PSMD1: variants seen among roughly 807,000 people sequenced by gnomAD.
PSMD1 encodes the protein proteasome 26S subunit, non-ATPase 1.
PSMD1 carries 18 observed loss-of-function variants against 119.0 expected under a neutral mutation model. The ratio of observed to expected loss-of-function variants is 0.15; its 90% CI spans 0.10 to 0.22. The LOEUF is 0.22. Among genes scored for constraint, PSMD1 ranks in the 10% least tolerant of loss-of-function variants. The probability of loss-of-function intolerance (pLI) is 1.00; values close to 1 mark genes in which losing one functional copy is unlikely to be tolerated. For missense variants in PSMD1, 702 were observed against 1,158.5 expected, an observed-to-expected ratio of 0.61 and a Z score of 5.72; for synonymous variants, 374 against 396.6, an observed-to-expected ratio of 0.94 and a Z score of 0.68.
At chr2:231,084,126 A>G (rs1418052517) in intron 14 of PSMD1, among the ~76,000 whole-genome samples, 1 of 152,086 alleles carries the variant, frequency 6.6e-6, no homozygotes, top group African/African-American at 2.4e-5. Flanking sequence ...AGGCAGGTGG[A>G]TCACTTGAGG....
chr2:231,126,333 G>C (rs1271864731), intron 16 of PSMD1, among the ~76,000 whole-genome samples: 1 of 152,028 alleles, frequency 6.6e-6, no homozygotes, highest in Non-Finnish European at 1.5e-5. Context: ...GGTCAGGGGA[G>C]ACCTGAGGCA....
chr2:231,080,434 A>G (rs1187571379), intron 12 of PSMD1, 120 bp downstream of exon 12: 1 of 840,222 alleles, frequency 1.2e-6, no homozygotes, highest in Non-Finnish European at 1.7e-6. Context: ...AACAACTGTC[A>G]TCTTGGATTT....
chr2:231,171,682 G>A (rs12463656), intron 24 of PSMD1, among the ~76,000 whole-genome samples: 25,588 of 150,790 alleles, frequency 0.17, 2,284 homozygotes, highest in African/African-American at 0.17. Flanking sequence ...TCAGCCTTTC[G>A]AGTAGCTGGG....
intron 19 of PSMD1, 90 bp from the exon 20 acceptor site, chr2:231,161,250 A>T: frequency 7.8e-7 from 1 of 1,285,916 alleles, no homozygotes; most frequent in Non-Finnish European, 1.1e-6. Context: ...AAAAAAAAAA[A>T]AAGAAAGAAA....
chr2:231,088,028 A>G (rs1219842181), intron 16 of PSMD1, among the ~76,000 whole-genome samples: 2 of 151,978 alleles, frequency 1.3e-5, no homozygotes, highest in Non-Finnish European at 1.5e-5. Flanking sequence ...TCAGCTTCTT[A>G]CTAGCTGAAT....
chr2:231,128,561 A>G (rs1695781186), intron 16 of PSMD1, among the ~76,000 whole-genome samples: 1 of 152,224 alleles, frequency 6.6e-6, no homozygotes. Flanking sequence ...AGCTTCCTTC[A>G]CTGTCTTCTC....
At chr2:231,129,254 A>G (rs544309117) in intron 16 of PSMD1, among the ~76,000 whole-genome samples, 1 of 152,336 alleles carries the variant, frequency 6.6e-6, no homozygotes, top group South Asian at 2.1e-4. Flanking sequence ...ATGGCAGCTC[A>G]CTCATACTGC....
intron 24 of PSMD1, among the ~76,000 whole-genome samples, chr2:231,171,052 T>C (rs1287806714): frequency 6.6e-6 from 1 of 152,228 alleles, no homozygotes; most frequent in East Asian, 1.9e-4. Flanking sequence ...AAACATCAGC[T>C]GAACTGCAGT....
At chr2:231,087,745 G>A (rs895732659) in intron 16 of PSMD1, among the ~76,000 whole-genome samples, 2 of 152,086 alleles carry the variant, frequency 1.3e-5, no homozygotes, top group African/African-American at 2.4e-5. Context: ...GGCGGATCAC[G>A]AAGTCAGGAG....
chr2:231,153,588 T>G lies in PSMD1; in HGVS notation c.2140T>G (p.Ser714Ala), dbSNP rs751370900. Residue 714 changes from serine to alanine, a missense_variant, in exon 19 of 25, where the codon TCC (serine) becomes GCC (alanine). By Grantham distance (99) the Ser-to-Ala change is moderately conservative. Transcript: ENST00000308696. Reference sequence around the variant, plus strand: ...GGTGAATCAGTTCAGACAGCTGTATTCCAAAGTCATCAATGATAAGCATGA... The same window carrying G: ...GGTGAATCAGTTCAGACAGCTGTATGCCAAAGTCATCAATGATAAGCATGA... ...PKVNQFRQLYSKVINDKHDDV... is the reference protein window; with the variant it reads ...PKVNQFRQLYAKVINDKHDDV... 1.2e-6 allele frequency: 2 copies of G among 1,613,758 alleles called. No individual in the cohort carries two copies. The highest frequency in any genetic ancestry group is 3.3e-5 in the Admixed American group (2 of 59,994).
At chr2:231,091,108 G>A (rs1694578357) in intron 16 of PSMD1, among the ~76,000 whole-genome samples, 1 of 152,208 alleles carries the variant, frequency 6.6e-6, no homozygotes, top group Non-Finnish European at 1.5e-5. Flanking sequence ...GGGCCGAAGA[G>A]AGTTAGCCGC....
chr2:231,092,658 C>T (rs1465318653), intron 16 of PSMD1, among the ~76,000 whole-genome samples: 7 of 152,282 alleles, frequency 4.6e-5, no homozygotes, highest in South Asian at 2.1e-4. Flanking sequence ...AGTATGGTTG[C>T]TCTGCAAGTG....
chr2:231,143,786 A>G (rs1460798108), intron 17 of PSMD1, among the ~76,000 whole-genome samples: 2 of 152,230 alleles, frequency 1.3e-5, no homozygotes, highest in Non-Finnish European at 1.5e-5. Context: ...TCCCAAACTT[A>G]TTTATTAAAG....
intron 19 of PSMD1, among the ~76,000 whole-genome samples, chr2:231,155,597 CT>C (rs1430031158): frequency 6.6e-6 from 1 of 150,856 alleles, no homozygotes; most frequent in Non-Finnish European, 1.5e-5. Context: ...GTACTTTGTT[CT>C]TTTTTTGTAA....
rs1453056307 is a variant in PSMD1, at chr2:231,165,949, C to A, written c.2647C>A (p.Arg883=). ...CTTCCAGTTATTGGATAACCCAGCC[C>A]GAGTTATGCCTGCCCAGCTTAAGGT... ...PNFQLLDNPA[R]VMPAQLKVLT... The change falls in exon 23 of 25, where the codon CGA becomes AGA. Residue 883 remains arginine, a synonymous_variant. Coordinates refer to ENST00000308696, the MANE Select transcript of PSMD1 (RefSeq NM_002807.4). The A allele has an allele frequency of 6.2e-7, 1 of 1,613,818 alleles. No homozygotes were observed. Among genetic ancestry groups the A allele is most frequent in the Non-Finnish European group, 8.5e-7 (1 of 1,179,894 alleles).
At chr2:231,066,573 C>A (rs143855261) in intron 4 of PSMD1, among the ~76,000 whole-genome samples, 1 of 152,204 alleles carries the variant, frequency 6.6e-6, no homozygotes, top group African/African-American at 2.4e-5. Context: ...GAGACAGGGT[C>A]CCATTGTGGT....
At chr2:231,099,246 C>T (rs749454361) in intron 16 of PSMD1, among the ~76,000 whole-genome samples, 4 of 152,138 alleles carry the variant, frequency 2.6e-5, no homozygotes, top group Non-Finnish European at 5.9e-5. Context: ...AGATTGGGTT[C>T]TTCCCTATTT....
chr2:231,109,503 T>C (rs1695084246), intron 16 of PSMD1: 1 of 1,078,276 alleles, frequency 9.3e-7, no homozygotes, highest in Non-Finnish European at 1.4e-6. Flanking sequence ...AACTTTATGC[T>C]TGTTGGTGCA....
At position 231,056,869 on chromosome 2, in the gene PSMD1, C is replaced by T. The variant is rs890880778; in HGVS notation, c.-157C>T. The T allele has an allele frequency of 1.2e-5, 12 of 1,021,408 alleles. No homozygotes were observed. Among genetic ancestry groups the T allele is most frequent in the Non-Finnish European group, 1.4e-5 (10 of 697,092 alleles). 63.3% of individuals were successfully genotyped at this position (1,021,408 alleles called of 1,614,324 possible). ...CGGGCAGCCCCTGGGCGGGCGGGGT[C>T]CTGGCGAGAAGCGAGCCGGCGGCCT... On this transcript the variant is annotated 5_prime_UTR_variant, in exon 1 of 25. Transcript: ENST00000308696.
Sources: gnomAD v4.1 joint callset for allele counts (sites outside exome capture counted in the v4.1 genomes callset) on GRCh38, gnomAD v4.1.1 for gene constraint, MANE v1.5 for transcripts, NCBI Gene and HGNC (gene_info 2026-07-23, HGNC 2026-07-21) for gene names.